The following CA6 variants were observed in gnomAD, a reference collection of about 807,000 sequenced individuals.
The protein encoded by CA6 is carbonic anhydrase 6, also known as carbonate dehydratase VI.
A neutral mutation model predicts 35.9 loss-of-function variants in CA6; 28 were observed. The ratio of observed to expected loss-of-function variants is 0.78; its 90% confidence interval spans 0.58 to 1.07. CA6 has a LOEUF of 1.07. Ranked by LOEUF, CA6 falls within the 50% of genes least tolerant of loss-of-function variation. CA6 has a pLI of 0.00. For synonymous variants in CA6, 148 were observed against 152.6 expected (o/e 0.97, Z 0.22); for missense variants, 377 against 382.0 (o/e 0.99, Z 0.11).
chr1:8,967,048 C>T (rs569934661), intron 5 of CA6, among the ~76,000 whole-genome samples: 2 of 152,260 alleles, frequency 1.3e-5, no homozygotes, highest in Admixed American at 1.3e-4. Flanking sequence ...GTCTTGAACT[C>T]TTGGCCCCAA....
In CA6 at chr1:8,973,801, CT is replaced by C. The variant is rs1640193772; in HGVS notation, c.845-820del. ...CTTTCTTTCTTTTCCCTCCCTCCCT[CT>C]CTCTCTCTCTCTCTCTCTTTCTTCC... On this transcript the variant is annotated intron_variant, in intron 7 of 7. Coordinates refer to ENST00000377443, the MANE Select transcript of CA6 (RefSeq NM_001215.4). Among the ~76,000 whole-genome samples, 7 of 27,122 alleles carry C rather than the reference CT, an allele frequency of 2.6e-4. 1 individual carries two copies. In the African/African-American group the frequency reaches 8.5e-3, roughly 33 times the overall value. The allele number at this position is 27,122 out of a possible 152,430, so 17.8% of individuals were successfully genotyped here.
rs113532929 is a variant in CA6, at chr1:8,960,743, A to AAC, written c.501+1787_501+1788dup. 4.8e-3 allele frequency among the ~76,000 whole-genome samples: 527 copies of AAC among 109,014 alleles called. 2 individuals are homozygous for AAC. The highest frequency in any genetic ancestry group is 7.0e-3 in the African/African-American group (181 of 25,888). The allele number at this position is 109,014 out of a possible 152,430, so 71.5% of individuals were successfully genotyped here. A position where few individuals can be genotyped will look rare whatever the true frequency, so the allele number is the denominator to read the frequency against. ...TCATGGGGACAAAATCAAGTATAGC[A>AAC]ACACACACACACACACACACACACA... On this transcript the variant is annotated intron_variant, in intron 4 of 7. Transcript: ENST00000377443.
At chr1:8,945,991 C>T in intron 1 of CA6, 26 bp downstream of exon 1, 1 of 1,456,578 alleles carries the variant, frequency 6.9e-7, no homozygotes, top group South Asian at 1.1e-5. Flanking sequence ...CTGCATGCTC[C>T]CCCAGTTACC....
At chr1:8,948,329 GAA>G (rs1639424288) in intron 1 of CA6, among the ~76,000 whole-genome samples, 1 of 152,054 alleles carries the variant, frequency 6.6e-6, no homozygotes, top group African/African-American at 2.4e-5. Context: ...AACCCTCTCT[GAA>G]AAGATAAACT....
chr1:8,974,954 T>C lies in CA6; in HGVS notation c.*250T>C, dbSNP rs3737663. The C allele has an allele frequency of 0.022, 7,570 of 348,252 alleles. 292 individuals are homozygous for C. Among genetic ancestry groups the C allele is most frequent in the African/African-American group, 0.1 (4,770 of 46,530 alleles). The allele number at this position is 348,252 out of a possible 1,614,324, so 21.6% of individuals were successfully genotyped here. ...CATCACCAGTGGAAATTGATTGGAA[T>C]AGAAACTTAAAGGAAATGGAACCCT... On this transcript the variant is annotated 3_prime_UTR_variant, in exon 8 of 8. Transcript: ENST00000377443.
intron 5 of CA6, among the ~76,000 whole-genome samples, chr1:8,964,247 C>G (rs1004411940): frequency 6.6e-6 from 1 of 152,042 alleles, no homozygotes; most frequent in Non-Finnish European, 1.5e-5. Flanking sequence ...TTCTCTCTCT[C>G]TCTCTCTTTT....
chr1:8,951,278 G>A, intron 2 of CA6: 1 of 575,766 alleles, frequency 1.7e-6, no homozygotes, highest in South Asian at 2.3e-5. Flanking sequence ...GGTGAAAGTA[G>A]CAAATTGGAG....
At position 8,957,217 on chromosome 1, in the gene CA6, T is replaced by C. The variant is rs1639710852; in HGVS notation, c.340T>C (p.Trp114Arg). ...VYIAQQMHFH[W>R]GGASSEISGS... ...CATAGCCCAGCAGATGCACTTTCAC[T>C]GGGGAGGTGCGTCCTCGGAGATCAG... is the stretch of plus-strand genomic sequence containing the variant. Residue 114 changes from tryptophan to arginine, a missense_variant, in exon 3 of 8, where the codon TGG becomes CGG. Coordinates refer to ENST00000377443, the MANE Select transcript of CA6 (RefSeq NM_001215.4). 6.2e-7 allele frequency: 1 copy of C among 1,614,036 alleles called. No homozygotes were observed. Among genetic ancestry groups the C allele is most frequent in the Non-Finnish European group, 8.5e-7 (1 of 1,179,932 alleles).
In CA6 at chr1:8,957,182, G is replaced by A; in HGVS notation, c.305G>A (p.Gly102Asp). The change falls in exon 3 of 8, where the codon GGC becomes GAC. Residue 102 changes from glycine (G) to aspartate (D), a missense_variant. By Grantham distance (94) the Gly-to-Asp change is moderately conservative (BLOSUM62 -1). Coordinates refer to ENST00000377443, the MANE Select transcript of CA6 (RefSeq NM_001215.4). ...ACCATGCGCATGACAGTGGCTGACG[G>A]CACTGTATACATAGCCCAGCAGATG... Reference protein sequence around the residue: ...PSTMRMTVADGTVYIAQQMHF... With the variant: ...PSTMRMTVADDTVYIAQQMHF... 1 of 1,613,760 alleles carries A rather than the reference G, an allele frequency of 6.2e-7. No individual in the cohort carries two copies. The highest frequency in any genetic ancestry group is 8.5e-7 in the Non-Finnish European group (1 of 1,179,778).
intron 2 of CA6, among the ~76,000 whole-genome samples, chr1:8,953,968 A>T (rs780354068): frequency 6.6e-6 from 1 of 152,232 alleles, no homozygotes; most frequent in Non-Finnish European, 1.5e-5. Context: ...AGTTGTCCTC[A>T]CTGCTACAGT....
In CA6 at chr1:8,974,756, C is replaced by A. The variant is rs1569744064; in HGVS notation, c.*52C>A. 1 of 1,081,122 alleles carries A rather than the reference C, an allele frequency of 9.2e-7. No homozygotes were observed. The highest frequency in any genetic ancestry group is 1.3e-6 in the Non-Finnish European group (1 of 746,832). 67.0% of individuals were successfully genotyped at this position (1,081,122 alleles called of 1,614,324 possible). A position where few individuals can be genotyped will look rare whatever the true frequency, so the allele number is the denominator to read the frequency against. On this transcript the variant is annotated 3_prime_UTR_variant, in exon 8 of 8. Transcript: ENST00000377443. ...TAACTAGCTTGAAGCCTGACCTAGCCAGAAGTGCCTGTCCGCTGCAGCCGC... is the reference window on the plus strand; with the variant it reads ...TAACTAGCTTGAAGCCTGACCTAGCAAGAAGTGCCTGTCCGCTGCAGCCGC...
Position 8,974,981 on chromosome 1 carries a change from A to T in CA6, c.*277A>T, listed in dbSNP as rs1041326078. The T allele has an allele frequency of 3.4e-5, 10 of 297,418 alleles. No individual in the cohort carries two copies. Among genetic ancestry groups the T allele is most frequent in the Non-Finnish European group, 6.1e-5 (10 of 163,574 alleles). 18.4% of individuals were successfully genotyped at this position (297,418 alleles called of 1,614,324 possible). On this transcript the variant is annotated 3_prime_UTR_variant, in exon 8 of 8. Coordinates refer to ENST00000377443, the MANE Select transcript of CA6 (RefSeq NM_001215.4). ...GAAACTTAAAGGAAATGGAACCCTA[A>T]CTATTCTCCCATCAAATCATATATG...
chr1:8,973,493 G>T (rs61785762), intron 7 of CA6, among the ~76,000 whole-genome samples: 25,166 of 152,130 alleles, frequency 0.17, 2,172 homozygotes, highest in Admixed American at 0.2. Flanking sequence ...GATGTTCTAG[G>T]TACCGGCCCC....
chr1:8,949,533 C>T (rs1428202514), intron 2 of CA6, 91 bp downstream of exon 2: 32 of 1,103,596 alleles, frequency 2.9e-5, no homozygotes, highest in African/African-American at 4.8e-5. Flanking sequence ...ATGGCTTGCA[C>T]AGAGACACAG....
intron 5 of CA6, among the ~76,000 whole-genome samples, chr1:8,965,908 G>A (rs1050573589): frequency 3.3e-5 from 5 of 150,668 alleles, no homozygotes; most frequent in Non-Finnish European, 5.9e-5. Flanking sequence ...AAAGGCTGAA[G>A]TATATTCCAT....
intron 6 of CA6, among the ~76,000 whole-genome samples, chr1:8,969,462 G>A (rs1640053070): frequency 6.6e-6 from 1 of 151,926 alleles, no homozygotes; most frequent in South Asian, 2.1e-4. Context: ...GAAGTGAAGA[G>A]ACATTGTGTA....
chr1:8,951,448 C>T, intron 2 of CA6: 1 of 764,706 alleles, frequency 1.3e-6, no homozygotes, highest in Non-Finnish European at 2.4e-6. Context: ...TCTTCCTCCC[C>T]TCCTTGTCCT....
chr1:8,960,789 C>CACATATATATATATAT (rs59987426), intron 4 of CA6, among the ~76,000 whole-genome samples: 1 of 116,876 alleles, frequency 8.6e-6, no homozygotes, highest in Non-Finnish European at 1.8e-5. Flanking sequence ...CACACACACA[C>CACATATATATATATAT]ATATATATAA....
Position 8,954,353 on chromosome 1 carries a change from C to T in CA6, c.260-2784C>T, listed in dbSNP as rs372438549. Among the ~76,000 whole-genome samples the T allele has an allele frequency of 1.9e-4, 29 of 152,262 alleles. No homozygotes were observed. The East Asian group carries it at 3.1e-3, about 16-fold the overall frequency. ...TTAAGTTTTATAATTTTAGTAAAGA[C>T]GGGGTTTCGCCATGTCGGCCAGGCT... On this transcript the variant is annotated intron_variant, in intron 2 of 7. Transcript: ENST00000377443.
Sources: gnomAD v4.1 joint callset for allele counts (sites outside exome capture counted in the v4.1 genomes callset) on GRCh38, gnomAD v4.1.1 for gene constraint, MANE v1.5 for transcripts, NCBI Gene and HGNC (gene_info 2026-07-23, HGNC 2026-07-21) for gene names.